The following MBD4 variants were observed in gnomAD, a reference collection of about 807,000 sequenced individuals.
MBD4 encodes methyl-CpG binding domain 4, DNA glycosylase.
MBD4 carries 53 observed loss-of-function variants against 60.2 expected under a neutral mutation model. That is an observed-to-expected ratio of 0.88 (90% confidence interval 0.71 to 1.11). MBD4 has a LOEUF of 1.11. Among genes scored for constraint, MBD4 ranks in the 50% least tolerant of loss-of-function variants. MBD4 has a pLI of 0.00. For missense variants in MBD4, 619 were observed against 674.0 expected (o/e 0.92, Z 0.90); for synonymous variants, 231 against 229.8 (o/e 1.01, Z -0.05).
intron 3 of MBD4, among the ~76,000 whole-genome samples, chr3:129,435,590 C>G (rs2072443199): frequency 1.3e-5 from 2 of 152,118 alleles, no homozygotes; most frequent in African/African-American, 4.8e-5. Flanking sequence ...AGAGAAACTC[C>G]AGGCACAGAA....
chr3:129,437,654 A>G, intron 2 of MBD4, 66 bp downstream of exon 2: 1 of 1,085,994 alleles, frequency 9.2e-7, no homozygotes, highest in South Asian at 1.2e-5. Context: ...GATTCCTGCT[A>G]TGCTCCCACT....
chr3:129,439,923 C>G lies in MBD4; in HGVS notation c.-90G>C. ...GATGTGAAACCTCTTCAGCTCACGG[C>G]ACCGGGCTGCAACCGAGGTCTGAAT... On this transcript the variant is annotated 5_prime_UTR_variant, in exon 1 of 8. Coordinates refer to ENST00000429544, the MANE Select transcript of MBD4 (RefSeq NM_001276270.2). The G allele has an allele frequency of 3.2e-6, 3 of 935,578 alleles. No homozygotes were observed. Among genetic ancestry groups the G allele is most frequent in the Admixed American group, 2.0e-5 (1 of 50,426 alleles). 58.0% of individuals were successfully genotyped at this position (935,578 alleles called of 1,614,324 possible).
rs757499279 is a variant in MBD4, at chr3:129,433,922, G to A, written c.1321C>T (p.Leu441Phe). ...KWTPPRSPFN[L>F]VQETLFHDPW... ...TCATGAAAAAGTGTTTCTTGAACGA[G>A]ATTAAAAGGTGACCGAGGAGGTGTC... The change falls in exon 5 of 8, where the codon CTC (leucine) becomes TTC (phenylalanine). Residue 441 changes from leucine to phenylalanine, a missense_variant. Physicochemically the swap from Leu to Phe is conservative, Grantham distance 22. Coordinates refer to ENST00000429544, the MANE Select transcript of MBD4 (RefSeq NM_001276270.2). The A allele has an allele frequency of 3.1e-6, 5 of 1,614,184 alleles. No homozygotes were observed. The highest frequency in any genetic ancestry group is 2.2e-5 in the South Asian group (2 of 91,084).
intron 5 of MBD4, chr3:129,433,640 AAAAT>A (rs1312648553): frequency 3.2e-6 from 2 of 617,716 alleles, no homozygotes; most frequent in African/African-American, 3.7e-5. Flanking sequence ...TTGGAAGTAT[AAAAT>A]AAATAAAATC....
At position 129,433,861 on chromosome 3, in the gene MBD4, T is replaced by C. The variant is rs78782061; in HGVS notation, c.1382A>G (p.Asn461Ser). 3,262 of 1,614,054 alleles carry C rather than the reference T, an allele frequency of 2.0e-3. 8 individuals carry two copies. The highest frequency in any genetic ancestry group is 2.4e-3 in the Non-Finnish European group (2,872 of 1,179,952). ...WKLLIATIFL[N>S]RTSGKMAIPV... ...AATAATCCCCAAACCTGAGGTCCGA[T>C]TGAGAAATATAGTAGCGATGAGAAG... is the stretch of plus-strand genomic sequence containing the variant. Residue 461 changes from asparagine (N) to serine (S), a missense_variant, in exon 5 of 8, where the codon AAT becomes AGT. Coordinates refer to ENST00000429544, the MANE Select transcript of MBD4 (RefSeq NM_001276270.2).
Position 129,437,308 on chromosome 3 carries a change from G to A in MBD4, c.336C>T (p.Ser112=), listed in dbSNP as rs61753468. ...TAGRFDVYFI[S]PQGLKFRSKS... The stretch of plus-strand genomic sequence containing the variant: ...TGGATCTGAACTTCAGTCCTTGTGG[G>A]CTAGAAAATGATATTAAAGGAAACT... The change falls in exon 3 of 8, where the codon AGC becomes AGT. Residue 112 remains serine (S), a splice_region_variant and synonymous_variant. Coordinates refer to ENST00000429544, the MANE Select transcript of MBD4 (RefSeq NM_001276270.2). The A allele has an allele frequency of 1.0e-3, 1,629 of 1,602,708 alleles. No homozygotes were observed. Among genetic ancestry groups the A allele is most frequent in the Non-Finnish European group, 1.3e-3 (1,558 of 1,178,900 alleles).
chr3:129,436,559 A>C lies in MBD4; in HGVS notation c.1085T>G (p.Val362Gly), dbSNP rs1418060343. The change falls in exon 3 of 8, where the codon GTA (valine) becomes GGA (glycine). Residue 362 changes from valine to glycine, a missense_variant. Val to Gly is a moderately radical substitution (Grantham distance 109). Transcript: ENST00000429544. ...ATGTTCTTTCCTTTCCACAACTTCT[A>C]CTTTTGTTCCGATTTCTTCAGATTC... ...FLESEEIGTKVEVVERKEHLH... is the reference protein window; with the variant it reads ...FLESEEIGTKGEVVERKEHLH... 1 of 1,613,992 alleles carries C rather than the reference A, an allele frequency of 6.2e-7. No individual in the cohort carries two copies. Among genetic ancestry groups the C allele is most frequent in the African/African-American group, 1.3e-5 (1 of 74,900 alleles).
Position 129,433,945 on chromosome 3 carries a change from G to A in MBD4, c.1298C>T (p.Thr433Ile). Residue 433 changes from threonine to isoleucine, a missense_variant, in exon 5 of 8, where the codon ACA (threonine) becomes ATA (isoleucine). By Grantham distance (89) the Thr-to-Ile change is moderately conservative. Transcript: ENST00000429544. ...GAGATTAAAAGGTGACCGAGGAGGT[G>A]TCCATTTCTTAAAGGCTTTACGTCG... ...PPRRKAFKKW[T>I]PPRSPFNLVQ... 1 of 1,614,160 alleles carries A rather than the reference G, an allele frequency of 6.2e-7. No individual in the cohort carries two copies. The highest frequency in any genetic ancestry group is 8.5e-7 in the Non-Finnish European group (1 of 1,180,012).
chr3:129,432,123 C>G, intron 7 of MBD4: 2 of 1,212,006 alleles, frequency 1.7e-6, no homozygotes, highest in South Asian at 1.7e-5. Flanking sequence ...AGTCTGAGAC[C>G]ACTAAGAGAA....
intron 3 of MBD4, among the ~76,000 whole-genome samples, chr3:129,434,977 A>G (rs552335367): frequency 1.3e-5 from 2 of 152,208 alleles, no homozygotes; most frequent in Non-Finnish European, 2.9e-5. Flanking sequence ...AATATCAGTT[A>G]ATAATACCTT....
At chr3:129,433,788 T>C in intron 5 of MBD4, 62 bp downstream of exon 5, 1 of 1,606,296 alleles carries the variant, frequency 6.2e-7, no homozygotes, top group Non-Finnish European at 8.5e-7. Context: ...CAGGCCTCAA[T>C]TCAGTGCTTT....
At position 129,433,995 on chromosome 3, in the gene MBD4, A is replaced by T; in HGVS notation, c.1259-11T>A. On this transcript the variant is annotated splice_polypyrimidine_tract_variant and intron_variant, in intron 4 of 7. Transcript: ENST00000429544. ...GTGGGGGGCTAAGAGCTAAACAAAC[A>T]TAGTGCATCAGAATTGAAAACCCAA... is the stretch of plus-strand genomic sequence containing the variant. 6.2e-7 allele frequency: 1 copy of T among 1,614,148 alleles called. No individual in the cohort carries two copies. Among genetic ancestry groups the T allele is most frequent in the African/African-American group, 1.3e-5 (1 of 75,052 alleles).
chr3:129,436,809 C>A lies in MBD4; in HGVS notation c.835G>T (p.Ala279Ser). Residue 279 changes from alanine (A) to serine (S), a missense_variant, in exon 3 of 8, where the codon GCA becomes TCA. By Grantham distance (99) the Ala-to-Ser change is moderately conservative. Coordinates refer to ENST00000429544, the MANE Select transcript of MBD4 (RefSeq NM_001276270.2). ...GTTCTATCAAGCTGACTTTTTTGTGCAACAGGTTCACTTTCAGCATCTGCT... is the reference window on the plus strand; with the variant it reads ...GTTCTATCAAGCTGACTTTTTTGTGAAACAGGTTCACTTTCAGCATCTGCT... The part of the protein sequence containing the change: ...NKADAESEPV[A>S]QKSQLDRTVC... 1 of 1,614,130 alleles carries A rather than the reference C, an allele frequency of 6.2e-7. No homozygotes were observed. The highest frequency in any genetic ancestry group is 8.5e-7 in the Non-Finnish European group (1 of 1,180,028).
chr3:129,432,960 G>A, intron 6 of MBD4, 138 bp downstream of exon 6: 1 of 1,137,744 alleles, frequency 8.8e-7, no homozygotes, highest in Non-Finnish European at 1.3e-6. Flanking sequence ...GGGGAAAGTG[G>A]ACTTTTTTAA....
Position 129,437,028 on chromosome 3 carries a change from T to G in MBD4, c.616A>C (p.Asn206His). 1 of 1,614,220 alleles carries G rather than the reference T, an allele frequency of 6.2e-7. No individual in the cohort carries two copies. The highest frequency in any genetic ancestry group is 8.5e-7 in the Non-Finnish European group (1 of 1,180,034). Residue 206 changes from asparagine (N) to histidine (H), a missense_variant, in exon 3 of 8, where the codon AAC (asparagine) becomes CAC (histidine). By Grantham distance (68) the Asn-to-His change is moderately conservative. Coordinates refer to ENST00000429544, the MANE Select transcript of MBD4 (RefSeq NM_001276270.2). ...AAAAGCAAATGAGTGGAAGTAAAGT[T>G]AGAGAGTCCTCTGCTCTCCTGCAAC... ...SELQESRGLSNFTSTHLLLKE... is the reference protein window; with the variant it reads ...SELQESRGLSHFTSTHLLLKE...
chr3:129,432,326 G>T, intron 7 of MBD4, 177 bp downstream of exon 7: 1 of 1,510,036 alleles, frequency 6.6e-7, no homozygotes, highest in Non-Finnish European at 8.8e-7. Context: ...GGACTTGGGA[G>T]CGCCTACTGA....
chr3:129,439,860 GC>G lies in MBD4; in HGVS notation c.-28del. 6.7e-7 allele frequency: 1 copy of G among 1,489,462 alleles called. No homozygotes were observed. Among genetic ancestry groups the G allele is most frequent in the Non-Finnish European group, 9.4e-7 (1 of 1,069,048 alleles). 92.3% of individuals were successfully genotyped at this position (1,489,462 alleles called of 1,614,324 possible). A position where few individuals can be genotyped will look rare whatever the true frequency, so the allele number is the denominator to read the frequency against. ...GAGCAGGGTCCGGCTGCAGCAACGA[GC>G]CCAGCGCCGCAACGCCCAGGGTGTG... On this transcript the variant is annotated 5_prime_UTR_variant, in exon 1 of 8. Transcript: ENST00000429544.
intron 3 of MBD4, 150 bp downstream of exon 3, chr3:129,436,311 T>C: frequency 1.2e-6 from 1 of 831,768 alleles, no homozygotes; most frequent in Non-Finnish European, 1.9e-6. Flanking sequence ...TAGGATCAAC[T>C]GGTATCTCAT....
chr3:129,433,511 GATA>G (rs1208780358), intron 5 of MBD4: 3 of 591,996 alleles, frequency 5.1e-6, no homozygotes, highest in Non-Finnish European at 8.9e-6. Context: ...CAGATCAGCA[GATA>G]ATGAGAGTAG....
Sources: allele counts gnomAD v4.1 joint callset (sites outside exome capture counted in the v4.1 genomes callset), GRCh38; gene constraint gnomAD v4.1.1; transcripts MANE v1.5; gene names NCBI Gene and HGNC (gene_info 2026-07-23, HGNC 2026-07-21).